The following ANKRD35 variants were observed in gnomAD, a reference collection of about 807,000 sequenced individuals.
ANKRD35 encodes the protein ankyrin repeat domain 35.
In ANKRD35, 102 loss-of-function variants were observed where a neutral mutation model predicts 109.9. That is an observed-to-expected ratio of 0.93 (90% CI 0.79 to 1.09). ANKRD35 has a LOEUF of 1.09. Among genes scored for constraint, ANKRD35 ranks in the 50% least tolerant of loss-of-function variants. The pLI, the probability that ANKRD35 is intolerant of heterozygous loss-of-function variation, is 0.00. For synonymous variants in ANKRD35, 515 were observed against 512.4 expected (o/e 1.01, Z -0.07); for missense variants, 1,240 against 1,230.1 (o/e 1.01, Z -0.12).
chr1:145,877,808 T>C (rs1449832581), intron 4 of ANKRD35, among the ~76,000 whole-genome samples, 160 bp downstream of exon 4: 1 of 152,210 alleles, frequency 6.6e-6, no homozygotes, highest in Non-Finnish European at 1.5e-5. Flanking sequence ...CTGCACATAG[T>C]AGTTAAATAA....
chr1:145,868,097 A>G (rs782641153), intron 11 of ANKRD35, 41 bp from the exon 12 acceptor site: 4 of 1,600,392 alleles, frequency 2.5e-6, no homozygotes, highest in Non-Finnish European at 3.4e-6. Flanking sequence ...GTCCACCCTC[A>G]GTCACCCAAG....
At position 145,873,571 on chromosome 1, in the gene ANKRD35, C is replaced by A. The variant is rs1653936728; in HGVS notation, c.1198G>T (p.Ala400Ser). 1 of 1,613,978 alleles carries A rather than the reference C, an allele frequency of 6.2e-7. No homozygotes were observed. Among genetic ancestry groups the A allele is most frequent in the African/African-American group, 1.3e-5 (1 of 74,900 alleles). Residue 400 changes from alanine (A) to serine (S), a missense_variant, in exon 10 of 14, where the codon GCT becomes TCT. Coordinates refer to ENST00000355594, the MANE Select transcript of ANKRD35 (RefSeq NM_144698.5). ...QAAATVNPVL[A>S]PKKAEDSAPG... ...GCTGAGTCCTCAGCCTTCTTTGGAG[C>A]TAATACTGGATTTACTGTGGCTGCT... is the stretch of plus-strand genomic sequence containing the variant.
chr1:145,877,807 G>C (rs1314370163), intron 4 of ANKRD35, among the ~76,000 whole-genome samples, 161 bp downstream of exon 4: 2 of 152,236 alleles, frequency 1.3e-5, no homozygotes, highest in Non-Finnish European at 2.9e-5. Context: ...CCTGCACATA[G>C]TAGTTAAATA....
chr1:145,877,158 A>G (rs587608769), intron 4 of ANKRD35, among the ~76,000 whole-genome samples: 1 of 152,244 alleles, frequency 6.6e-6, no homozygotes, highest in South Asian at 2.1e-4. Flanking sequence ...TAGAAACATA[A>G]TTGTGAAATT....
chr1:145,871,943 C>T, intron 10 of ANKRD35, 39 bp downstream of exon 10: 1 of 1,600,050 alleles, frequency 6.2e-7, no homozygotes. Flanking sequence ...TACACAGAAA[C>T]TTTCCCCAGT....
In ANKRD35 at chr1:145,878,017, T is replaced by C. The variant is rs1164414532; in HGVS notation, c.275A>G (p.His92Arg). ...TGGCTGGCAGGAGATGGTGGCCAAG[T>C]GTAGGGCAGTGCTTCCTGGAACAGA... ...SKNEDGSTAL[H>R]LATISCQPQC... The change falls in exon 4 of 14, where the codon CAC becomes CGC. Residue 92 changes from histidine to arginine, a missense_variant. His to Arg is a conservative substitution (Grantham distance 29, BLOSUM62 0). Transcript: ENST00000355594. 3 of 1,613,778 alleles carry C rather than the reference T, an allele frequency of 1.9e-6. No homozygotes were observed. Among genetic ancestry groups the C allele is most frequent in the Admixed American group, 1.7e-5 (1 of 59,982 alleles).
Position 145,874,175 on chromosome 1 carries a change from G to T in ANKRD35, c.763C>A (p.His255Asn). 6.2e-7 allele frequency: 1 copy of T among 1,614,102 alleles called. No individual in the cohort carries two copies. The change falls in exon 9 of 14, where the codon CAC (histidine) becomes AAC (asparagine). Residue 255 changes from histidine to asparagine, a missense_variant. Physicochemically the swap from His to Asn is moderately conservative, Grantham distance 68. Coordinates refer to ENST00000355594, the MANE Select transcript of ANKRD35 (RefSeq NM_144698.5). ...CTTACCTGGGATGCGAGATCTGGGT[G>T]CTGGACTAGCCTCTGACCTATAAGA... ...RRRGGQRLVQ[H>N]PDLASQASPS...
At chr1:145,869,460 G>T (rs1167784370) in intron 10 of ANKRD35, among the ~76,000 whole-genome samples, 2 of 151,866 alleles carry the variant, frequency 1.3e-5, no homozygotes, top group Non-Finnish European at 2.9e-5. Flanking sequence ...GGGATTACAG[G>T]TGTGAGCCAC....
chr1:145,879,505 A>G (rs1654212424), intron 1 of ANKRD35, 117 bp from the exon 2 acceptor site: 18 of 1,170,516 alleles, frequency 1.5e-5, no homozygotes, highest in African/African-American at 3.2e-5. Context: ...TTTCTCTTCC[A>G]CAAGTCACAC....
Position 145,867,335 on chromosome 1 carries a change from C to T in ANKRD35, c.3001G>A (p.Glu1001Lys), listed in dbSNP as rs1454010468. ...ILLQILSMEE[E>K] The stretch of plus-strand genomic sequence containing the variant: ...GGGCACACAGTGAGGCTGCCTCACT[C>T]CTCTTCCATGCTAAGGATTTGCAGC... Residue 1001 changes from glutamate to lysine, a missense_variant, in exon 13 of 14, where the codon GAG becomes AAG. By Grantham distance (56) the Glu-to-Lys change is moderately conservative. Transcript: ENST00000355594. 1 of 1,613,806 alleles carries T rather than the reference C, an allele frequency of 6.2e-7. No individual in the cohort carries two copies. Among genetic ancestry groups the T allele is most frequent in the East Asian group, 2.2e-5 (1 of 44,890 alleles).
At position 145,873,718 on chromosome 1, in the gene ANKRD35, C is replaced by G. The variant is rs1553739459; in HGVS notation, c.1051G>C (p.Glu351Gln). ...AQELGVLLSW[E>Q]PRASGKQGSS... ...CCTTGCTTTCCTGAAGCTCTGGGCT[C>G]CCAGGATAGGAGGACCCCTAGCTCC... is the stretch of plus-strand genomic sequence containing the variant. Residue 351 changes from glutamate (E) to glutamine (Q), a missense_variant, in exon 10 of 14, where the codon GAG becomes CAG. Glu to Gln is a conservative substitution (Grantham distance 29). Coordinates refer to ENST00000355594, the MANE Select transcript of ANKRD35 (RefSeq NM_144698.5). 1 of 1,613,948 alleles carries G rather than the reference C, an allele frequency of 6.2e-7. No homozygotes were observed. Among genetic ancestry groups the G allele is most frequent in the East Asian group, 2.2e-5 (1 of 44,884 alleles).
Position 145,878,344 on chromosome 1 carries a change from T to A in ANKRD35, c.259+47A>T, listed in dbSNP as rs782479739. On this transcript the variant is annotated intron_variant, in intron 3 of 13. Coordinates refer to ENST00000355594, the MANE Select transcript of ANKRD35 (RefSeq NM_144698.5). ...CCAGCACCGCCCCCGACTGCTGCTG[T>A]ACCAGGGGCAAGCAAGCAGCGTGGC... is the stretch of plus-strand genomic sequence containing the variant. The A allele has an allele frequency of 2.0e-6, 3 of 1,531,362 alleles. No homozygotes were observed. The East Asian group carries it at 7.3e-5, about 37-fold the overall frequency. The allele number at this position is 1,531,362 out of a possible 1,614,324, so 94.9% of individuals were successfully genotyped here.
chr1:145,868,049 T>A lies in ANKRD35; in HGVS notation c.2885A>T (p.Gln962Leu). The part of the protein sequence containing the change: ...ARLALQLQDS[Q>L]KNHEEIISTY... ...GGAGATGATCTCTTCATGGTTCTTC[T>A]GGGAATCCTGGGAATGAACATCAAT... The change falls in exon 12 of 14, where the codon CAG (glutamine) becomes CTG (leucine). Residue 962 changes from glutamine to leucine, a missense_variant. Gln to Leu is a moderately radical substitution (Grantham distance 113, BLOSUM62 -2). Coordinates refer to ENST00000355594, the MANE Select transcript of ANKRD35 (RefSeq NM_144698.5). 1 of 1,614,046 alleles carries A rather than the reference T, an allele frequency of 6.2e-7. No homozygotes were observed. The highest frequency in any genetic ancestry group is 8.5e-7 in the Non-Finnish European group (1 of 1,179,960).
intron 2 of ANKRD35, 59 bp downstream of exon 2, chr1:145,879,199 A>T (rs782675335): frequency 8.7e-6 from 13 of 1,501,942 alleles, no homozygotes; most frequent in Non-Finnish European, 1.2e-5. Flanking sequence ...GTTATATTGG[A>T]TTTGGGGGCT....
Position 145,883,506 on chromosome 1 carries a change from A to G in ANKRD35, c.39+2214T>C, listed in dbSNP as rs587645105. 1.3e-5 allele frequency among the ~76,000 whole-genome samples: 2 copies of G among 152,356 alleles called. 1 individual carries two copies. Among genetic ancestry groups the G allele is most frequent in the South Asian group, 4.1e-4 (2 of 4,830 alleles). On this transcript the variant is annotated intron_variant, in intron 1 of 13. Transcript: ENST00000355594. ...TACTTGACTAAAATAAAATGGGATT[A>G]TAGGAGTTGGGGTTTTTTTGTGTGT...
chr1:145,875,958 G>A (rs1553739976), intron 7 of ANKRD35, among the ~76,000 whole-genome samples, 182 bp downstream of exon 7: 2 of 152,164 alleles, frequency 1.3e-5, no homozygotes, highest in African/African-American at 4.8e-5. Context: ...TGAAGATGGT[G>A]GTGGCAGCAG....
intron 1 of ANKRD35, among the ~76,000 whole-genome samples, chr1:145,880,191 T>TCCC (rs1654235961): frequency 6.6e-6 from 1 of 151,956 alleles, no homozygotes; most frequent in Non-Finnish European, 1.5e-5. Flanking sequence ...CCAGCTTGGG[T>TCCC]TTTGTGGGTG....
Position 145,872,904 on chromosome 1 carries a change from A to T in ANKRD35, c.1865T>A (p.Leu622Gln). 1 of 1,614,042 alleles carries T rather than the reference A, an allele frequency of 6.2e-7. No individual in the cohort carries two copies. Residue 622 changes from leucine to glutamine, a missense_variant, in exon 10 of 14, where the codon CTG (leucine) becomes CAG (glutamine). Coordinates refer to ENST00000355594, the MANE Select transcript of ANKRD35 (RefSeq NM_144698.5). ...CTCCTCCAGCAAGTTACTGTTGCTC[A>T]GTCTCAGTACTGACATCTCCTTCTC... ...QLEKEMSVLR[L>Q]SNSNLLEELG...
chr1:145,873,045 G>A lies in ANKRD35; in HGVS notation c.1724C>T (p.Pro575Leu), dbSNP rs1553739202. 1.9e-6 allele frequency: 3 copies of A among 1,611,728 alleles called. No individual in the cohort carries two copies. In the Admixed American group the frequency reaches 5.0e-5, roughly 27 times the overall value. ...ESREGALKAA[P>L]GSIKQDEEKE... The stretch of plus-strand genomic sequence containing the variant: ...CTCTTCATCCTGTTTGATGCTCCCT[G>A]GGGCTGCCTTTAGGGCTCCCTCTCT... Residue 575 changes from proline to leucine, a missense_variant, in exon 10 of 14, where the codon CCA (proline) becomes CTA (leucine). By Grantham distance (98) the Pro-to-Leu change is moderately conservative. Transcript: ENST00000355594.
Sources: gnomAD v4.1 joint callset for allele counts (sites outside exome capture counted in the v4.1 genomes callset) on GRCh38, gnomAD v4.1.1 for gene constraint, MANE v1.5 for transcripts, NCBI Gene and HGNC (gene_info 2026-07-23, HGNC 2026-07-21) for gene names.